LRP2: variants seen among roughly 807,000 people sequenced by gnomAD.
LRP2 encodes LDL receptor related protein 2.
A neutral mutation model predicts 531.0 loss-of-function variants in LRP2; 172 were observed. The observed-to-expected ratio is 0.32, with a 90% CI of 0.29 to 0.37. The LOEUF (loss-of-function observed/expected upper bound fraction) is 0.37, where lower values mean the gene tolerates loss of function less well. Ranked by LOEUF, LRP2 falls within the 10% of genes least tolerant of loss-of-function variation. The probability of loss-of-function intolerance (pLI) is 1.00; values close to 1 mark genes in which losing one functional copy is unlikely to be tolerated. For synonymous variants in LRP2, 1,992 were observed against 2,027.6 expected (o/e 0.98, Z 0.47); for missense variants, 5,167 against 5,868.3 (o/e 0.88, Z 3.90).
chr2:169,215,469 C>A (rs76177622), intron 35 of LRP2, among the ~76,000 whole-genome samples: 4,226 of 152,144 alleles, frequency 0.028, 186 homozygotes, highest in African/African-American at 0.094. Context: ...ATGAACCCAA[C>A]CTTGGAGTTG....
chr2:169,165,957 A>G lies in LRP2; in HGVS notation c.11733T>C (p.Asp3911=), dbSNP rs945527240. The G allele has an allele frequency of 2.5e-6, 4 of 1,613,958 alleles. No individual in the cohort carries two copies. The highest frequency in any genetic ancestry group is 3.4e-6 in the Non-Finnish European group (4 of 1,179,974). Residue 3911 remains aspartate (D), a synonymous_variant, in exon 62 of 79, where the codon GAT becomes GAC. Coordinates refer to ENST00000649046, the MANE Select transcript of LRP2 (RefSeq NM_004525.3). ...EVCNGVDDCG[D]GTDETEEHCR... is the part of the protein sequence containing the mutation. ...AGTGCTCCTCTGTCTCATCAGTTCC[A>G]TCTCCACAGTCATCCACACCATTGC...
chr2:169,297,537 G>A (rs1559063003), intron 4 of LRP2, among the ~76,000 whole-genome samples: 1 of 152,128 alleles, frequency 6.6e-6, no homozygotes, highest in Non-Finnish European at 1.5e-5. Context: ...AAAAAGGTGA[G>A]AATATCCTTC....
chr2:169,345,750 C>T (rs1574277381), intron 1 of LRP2, among the ~76,000 whole-genome samples: 2 of 108,010 alleles, frequency 1.9e-5, no homozygotes, highest in South Asian at 5.4e-4. Flanking sequence ...AAAGAGGGGG[C>T]GGTCAAAAAA....
intron 7 of LRP2, among the ~76,000 whole-genome samples, 160 bp downstream of exon 7, chr2:169,292,093 G>A (rs1004571192): frequency 5.9e-5 from 9 of 152,074 alleles, no homozygotes; most frequent in East Asian, 1.9e-4. Flanking sequence ...AGTCACCTCC[G>A]TCTTCCCCAC....
intron 40 of LRP2, 137 bp downstream of exon 40, chr2:169,205,886 A>G: frequency 1.6e-6 from 2 of 1,218,574 alleles, no homozygotes; most frequent in South Asian, 1.2e-5. Flanking sequence ...AAAATCACTC[A>G]ATATGCTTTC....
At chr2:169,298,076 T>A (rs1303071235) in intron 4 of LRP2, among the ~76,000 whole-genome samples, 2 of 152,072 alleles carry the variant, frequency 1.3e-5, no homozygotes, top group Admixed American at 1.3e-4. Context: ...TTACTTTATG[T>A]TATTTCCTCT....
chr2:169,219,125 C>T (rs1298691282), intron 34 of LRP2, among the ~76,000 whole-genome samples: 8 of 152,138 alleles, frequency 5.3e-5, no homozygotes, highest in South Asian at 4.1e-4. Context: ...GACAGTCCTT[C>T]TTCTAGAAAG....
chr2:169,248,992 G>A (rs866322379), intron 19 of LRP2, among the ~76,000 whole-genome samples: 1 of 13,506 alleles, frequency 7.4e-5, no homozygotes, highest in East Asian at 9.7e-4. Context: ...CTACGCCCAC[G>A]GAATCTCGCT....
chr2:169,284,256 C>CTTTTTTT (rs1216987363), intron 9 of LRP2, among the ~76,000 whole-genome samples: 4 of 96,664 alleles, frequency 4.1e-5, no homozygotes, highest in Admixed American at 1.2e-4. Context: ...TCTTTTTTTT[C>CTTTTTTT]TTTTTTTTTT....
intron 30 of LRP2, 42 bp downstream of exon 30, chr2:169,233,369 T>C (rs953416787): frequency 1.9e-6 from 3 of 1,610,268 alleles, no homozygotes; most frequent in Non-Finnish European, 2.5e-6. Context: ...GTCAGTGTTT[T>C]TCAAGCTACT....
chr2:169,359,405 G>T (rs1052954527), intron 1 of LRP2, among the ~76,000 whole-genome samples: 11 of 152,132 alleles, frequency 7.2e-5, no homozygotes, highest in Non-Finnish European at 1.5e-4. Context: ...AACAGATGTG[G>T]TATAATTTTT....
chr2:169,207,033 C>T lies in LRP2; in HGVS notation c.6687G>A (p.Val2229=). The change falls in exon 39 of 79, where the codon GTG becomes GTA. Residue 2229 remains valine, a synonymous_variant. Coordinates refer to ENST00000649046, the MANE Select transcript of LRP2 (RefSeq NM_004525.3). ...FLDCTNRTVL[V]SEGIVTPRGL... is the part of the protein sequence containing the mutation. ...CCCGTGGTGTGACAATGCCCTCTGA[C>T]ACAAGCACTGTTCGATTGGTACAGT... 6.2e-7 allele frequency: 1 copy of T among 1,614,220 alleles called. No homozygotes were observed. Among genetic ancestry groups the T allele is most frequent in the Non-Finnish European group, 8.5e-7 (1 of 1,180,042 alleles).
intron 16 of LRP2, among the ~76,000 whole-genome samples, chr2:169,261,988 A>T (rs563270504): frequency 0.014 from 2,168 of 151,286 alleles, 42 homozygotes; most frequent in African/African-American, 0.05. Context: ...AGCCAAAGAC[A>T]AAAACCACAT....
chr2:169,340,268 C>G (rs1685529289), intron 1 of LRP2, among the ~76,000 whole-genome samples: 1 of 152,140 alleles, frequency 6.6e-6, no homozygotes, highest in Non-Finnish European at 1.5e-5. Flanking sequence ...TTCAAATTTT[C>G]TATGCCTCTC....
At chr2:169,341,120 A>G (rs1685550212) in intron 1 of LRP2, among the ~76,000 whole-genome samples, 1 of 152,192 alleles carries the variant, frequency 6.6e-6, no homozygotes, top group Non-Finnish European at 1.5e-5. Context: ...GGTCCTGTAG[A>G]GAAAGGTGCA....
chr2:169,259,105 C>T lies in LRP2; in HGVS notation c.2433G>A (p.Met811Ile), dbSNP rs768310011. ...TGCGTCTCGTTTTATCAGCTAGCCT[C>T]ATGACACTGATACTCTTGTAATGAG... ...TDSHYKSISV[M>I]RLADKTRRTV... The change falls in exon 17 of 79, where the codon ATG (methionine) becomes ATA (isoleucine). Residue 811 changes from methionine (M) to isoleucine (I), a missense_variant. Transcript: ENST00000649046. The T allele has an allele frequency of 9.9e-6, 16 of 1,613,084 alleles. No homozygotes were observed. In the South Asian group the frequency reaches 1.8e-4, roughly 18 times the overall value.
At position 169,207,200 on chromosome 2, in the gene LRP2, G is replaced by T. The variant is rs1401554676; in HGVS notation, c.6520C>A (p.Leu2174Met). 7 of 1,614,046 alleles carry T rather than the reference G, an allele frequency of 4.3e-6. No homozygotes were observed. In the East Asian group the frequency reaches 1.6e-4, roughly 36 times the overall value. The change falls in exon 39 of 79, where the codon CTG (leucine) becomes ATG (methionine). Residue 2174 changes from leucine to methionine, a missense_variant. Leu to Met is a conservative substitution (Grantham distance 15, BLOSUM62 2). Coordinates refer to ENST00000649046, the MANE Select transcript of LRP2 (RefSeq NM_004525.3). ...AFVSETLIEV[L>M]RINTTYRRVL... ...CGGCGGTAAGTAGTATTGATCCGCAGAACTTCTATCAGTGTTTCAGAAACA... is the reference window on the plus strand; with the variant it reads ...CGGCGGTAAGTAGTATTGATCCGCATAACTTCTATCAGTGTTTCAGAAACA...
chr2:169,169,654 A>G (rs748991373), intron 60 of LRP2, 48 bp downstream of exon 60: 4 of 1,419,146 alleles, frequency 2.8e-6, no homozygotes, highest in South Asian at 1.1e-5. Context: ...AAACTATCAT[A>G]TCCATGCTCT....
At chr2:169,352,422 T>C (rs1685874640) in intron 1 of LRP2, among the ~76,000 whole-genome samples, 1 of 152,142 alleles carries the variant, frequency 6.6e-6, no homozygotes, top group African/African-American at 2.4e-5. Flanking sequence ...AAGAAAGAGA[T>C]TTAACAGAGT....
Sources: allele counts gnomAD v4.1 joint callset (sites outside exome capture counted in the v4.1 genomes callset), GRCh38; gene constraint gnomAD v4.1.1; transcripts MANE v1.5; gene names NCBI Gene and HGNC (gene_info 2026-07-23, HGNC 2026-07-21).